ADRB3: variants seen among roughly 807,000 people sequenced by gnomAD.
ADRB3 encodes adrenoceptor beta 3, also known as beta-3 adrenergic receptor.
Under a neutral mutation model 23.8 loss-of-function variants are expected in ADRB3, and 33 were observed. That is an observed-to-expected ratio of 1.38 (90% CI 1.05 to 1.85). ADRB3 has a LOEUF of 1.85. Among genes scored for constraint, ADRB3 ranks in the 40% most tolerant of loss-of-function variants. The probability of loss-of-function intolerance (pLI) is 0.00; values close to 1 mark genes in which losing one functional copy is unlikely to be tolerated. For missense variants in ADRB3, 600 were observed against 579.6 expected (o/e 1.04, Z -0.36); for synonymous variants, 289 against 273.0 (o/e 1.06, Z -0.58).
At position 37,965,704 on chromosome 8, in the gene ADRB3, G is replaced by T. The variant is rs1236507402; in HGVS notation, c.766C>A (p.Arg256Ser). The change falls in exon 1 of 2, where the codon CGC (arginine) becomes AGC (serine). Residue 256 changes from arginine (R) to serine (S), a missense_variant. Coordinates refer to ENST00000345060, the MANE Select transcript of ADRB3 (RefSeq NM_000025.3). Reference sequence around the variant, plus strand: ...CCCACCGGGGCCGGGGCCAGAGAGCGCGACGGCGCCGGCGGAGACTCCTCG... The same window carrying T: ...CCCACCGGGGCCGGGGCCAGAGAGCTCGACGGCGCCGGCGGAGACTCCTCG... ...PPEESPPAPS[R>S]SLAPAPVGTC... 1.3e-6 allele frequency: 2 copies of T among 1,545,642 alleles called. No individual in the cohort carries two copies.
In ADRB3 at chr8:37,966,117, A is replaced by C. The variant is rs1396940844; in HGVS notation, c.353T>G (p.Val118Gly). 4 of 1,611,412 alleles carry C rather than the reference A, an allele frequency of 2.5e-6. No individual in the cohort carries two copies. The highest frequency in any genetic ancestry group is 3.4e-6 in the Non-Finnish European group (4 of 1,179,078). Residue 118 changes from valine (V) to glycine (G), a missense_variant, in exon 1 of 2, where the codon GTG (valine) becomes GGG (glycine). Physicochemically the swap from Val to Gly is moderately radical, Grantham distance 109 (BLOSUM62 -3). Coordinates refer to ENST00000345060, the MANE Select transcript of ADRB3 (RefSeq NM_000025.3). ...TTCGATGCTGGCGGTCACACACAGC[A>C]CGTCCACCGAGGTCCACAGCTCGCA... ...TGCELWTSVD[V>G]LCVTASIETL... is the part of the protein sequence containing the mutation.
Position 37,963,967 on chromosome 8 carries a change from A to C in ADRB3, c.*251T>G, listed in dbSNP as rs200512901. The C allele has an allele frequency of 2.1e-6, 1 of 465,840 alleles. No individual in the cohort carries two copies. The highest frequency in any genetic ancestry group is 3.9e-6 in the Non-Finnish European group (1 of 258,230). The allele number at this position is 465,840 out of a possible 1,614,324, so 28.9% of individuals were successfully genotyped here. ...CAAAGCCAGCCTGCTGCTCCACGGCACCTGGACACTACCACTGAGGGAGGA... is the reference window on the plus strand; with the variant it reads ...CAAAGCCAGCCTGCTGCTCCACGGCCCCTGGACACTACCACTGAGGGAGGA... On this transcript the variant is annotated 3_prime_UTR_variant, in exon 2 of 2. Transcript: ENST00000345060.
intron 1 of ADRB3, 62 bp from the exon 2 acceptor site, chr8:37,964,301 G>A: frequency 1.4e-6 from 2 of 1,424,098 alleles, no homozygotes; most frequent in Non-Finnish European, 9.9e-7. Flanking sequence ...GCACTGAGGG[G>A]AATGACAGAG....
intron 1 of ADRB3, chr8:37,964,969 C>T (rs1170144857): frequency 2.7e-6 from 1 of 369,318 alleles, no homozygotes; most frequent in East Asian, 4.4e-5. Context: ...TCCCTAAAGC[C>T]GACCAGGCGA....
At position 37,963,388 on chromosome 8, in the gene ADRB3, G is replaced by A. The variant is rs1193386036; in HGVS notation, c.*830C>T. 2 of 152,186 alleles carry A rather than the reference G, an allele frequency of 1.3e-5. No individual in the cohort carries two copies. The highest frequency in any genetic ancestry group is 2.4e-5 in the African/African-American group (1 of 41,446). The allele number at this position is 152,186 out of a possible 1,614,324, so 9.4% of individuals were successfully genotyped here. ...GGGGAGCAAGATATCAAAGGCTCAA[G>A]CTCACTCCCCTTCGTCCAGACAGAC... On this transcript the variant is annotated 3_prime_UTR_variant, in exon 2 of 2. Transcript: ENST00000345060.
At chr8:37,964,668 C>A (rs934331977) in intron 1 of ADRB3, among the ~76,000 whole-genome samples, 2 of 152,190 alleles carry the variant, frequency 1.3e-5, no homozygotes, top group Non-Finnish European at 2.9e-5. Context: ...GCCCTGGCTC[C>A]GGCCTGTAAT....
At chr8:37,965,078 A>C in intron 1 of ADRB3, 187 bp downstream of exon 1, 2 of 580,628 alleles carry the variant, frequency 3.4e-6, no homozygotes, top group South Asian at 5.7e-5. Context: ...CTTCTACCCT[A>C]GTGACTGGAT....
chr8:37,963,994 T>A lies in ADRB3; in HGVS notation c.*224A>T. 1 of 479,698 alleles carries A rather than the reference T, an allele frequency of 2.1e-6. No homozygotes were observed. Among genetic ancestry groups the A allele is most frequent in the Non-Finnish European group, 3.7e-6 (1 of 266,848 alleles). 29.7% of individuals were successfully genotyped at this position (479,698 alleles called of 1,614,324 possible). ...CTGGACACTACCACTGAGGGAGGAG[T>A]GAAGTTCAAGGCTGGGGTTTAGAAA... On this transcript the variant is annotated 3_prime_UTR_variant, in exon 2 of 2. Coordinates refer to ENST00000345060, the MANE Select transcript of ADRB3 (RefSeq NM_000025.3).
At position 37,965,903 on chromosome 8, in the gene ADRB3, G is replaced by C; in HGVS notation, c.567C>G (p.Cys189Trp). The C allele has an allele frequency of 6.4e-7, 1 of 1,552,024 alleles. No individual in the cohort carries two copies. Among genetic ancestry groups the C allele is most frequent in the Non-Finnish European group, 8.7e-7 (1 of 1,147,260 alleles). Reference protein sequence around the residue: ...RVGADAEAQRCHSNPRCCAFA... With the variant: ...RVGADAEAQRWHSNPRCCAFA... Reference sequence around the variant, plus strand: ...AGGCACAGCAGCGCGGGTTGGAGTGGCAGCGCTGCGCCTCGGCGTCGGCCC... The same window carrying C: ...AGGCACAGCAGCGCGGGTTGGAGTGCCAGCGCTGCGCCTCGGCGTCGGCCC... Residue 189 changes from cysteine to tryptophan, a missense_variant, in exon 1 of 2, where the codon TGC (cysteine) becomes TGG (tryptophan). Coordinates refer to ENST00000345060, the MANE Select transcript of ADRB3 (RefSeq NM_000025.3).
In ADRB3 at chr8:37,965,604, C is replaced by A; in HGVS notation, c.866G>T (p.Arg289Leu). The stretch of plus-strand genomic sequence containing the variant: ...GATGAGACCCAAGGTGCACAGGGCC[C>A]GGTGTTCCCGGAGAGGCAGGAGGCG... The part of the protein sequence containing the change: ...PARLLPLREH[R>L]ALCTLGLIMG... Residue 289 changes from arginine to leucine, a missense_variant, in exon 1 of 2, where the codon CGG (arginine) becomes CTG (leucine). By Grantham distance (102) the Arg-to-Leu change is moderately radical. Transcript: ENST00000345060. 3.9e-6 allele frequency: 6 copies of A among 1,545,192 alleles called. No individual in the cohort carries two copies. Among genetic ancestry groups the A allele is most frequent in the Non-Finnish European group, 3.5e-6 (4 of 1,145,076 alleles).
chr8:37,964,327 A>G, intron 1 of ADRB3, 88 bp from the exon 2 acceptor site: 1 of 1,227,850 alleles, frequency 8.1e-7, no homozygotes, highest in Non-Finnish European at 1.2e-6. Flanking sequence ...AGACCCTGGA[A>G]CGCATATTTA....
rs1437220314 is a variant in ADRB3 at position 37,965,702 on chromosome 8, G to C, written c.768C>G (p.Arg256=). The C allele has an allele frequency of 3.9e-6, 6 of 1,545,366 alleles. No homozygotes were observed. The African/African-American group carries it at 6.9e-5, about 18-fold the overall frequency. Residue 256 remains arginine, a synonymous_variant, in exon 1 of 2, where the codon CGC becomes CGG. Coordinates refer to ENST00000345060, the MANE Select transcript of ADRB3 (RefSeq NM_000025.3). ...TCCCCACCGGGGCCGGGGCCAGAGA[G>C]CGCGACGGCGCCGGCGGAGACTCCT... ...PPEESPPAPS[R]SLAPAPVGTC...
Position 37,965,347 on chromosome 8 carries a change from C to T in ADRB3, c.1123G>A (p.Ala375Thr), listed in dbSNP as rs143480096. ...RRLPPEPCAA[A>T]RPALFPSGVP... Reference sequence around the variant, plus strand: ...CCCGAGGGGAAGAGGGCCGGGCGGGCGGCGGCGCAGGGCTCCGGAGGCAGG... The same window carrying T: ...CCCGAGGGGAAGAGGGCCGGGCGGGTGGCGGCGCAGGGCTCCGGAGGCAGG... The change falls in exon 1 of 2, where the codon GCC (alanine) becomes ACC (threonine). Residue 375 changes from alanine to threonine, a missense_variant. Ala to Thr is a moderately conservative substitution (Grantham distance 58). Coordinates refer to ENST00000345060, the MANE Select transcript of ADRB3 (RefSeq NM_000025.3). 2.5e-4 allele frequency: 383 copies of T among 1,542,684 alleles called. 2 individuals are homozygous for T. The highest frequency in any genetic ancestry group is 7.7e-4 in the Middle Eastern group (4 of 5,202).
Position 37,964,067 on chromosome 8 carries a change from A to C in ADRB3, c.*151T>G. The C allele has an allele frequency of 1.6e-6, 1 of 639,880 alleles. No homozygotes were observed. The highest frequency in any genetic ancestry group is 2.0e-5 in the South Asian group (1 of 50,176). The allele number at this position is 639,880 out of a possible 1,614,324, so 39.6% of individuals were successfully genotyped here. A position where few individuals can be genotyped will look rare whatever the true frequency, so the allele number is the denominator to read the frequency against. On this transcript the variant is annotated 3_prime_UTR_variant, in exon 2 of 2. Coordinates refer to ENST00000345060, the MANE Select transcript of ADRB3 (RefSeq NM_000025.3). ...GAGGATGGTGAAAACCCACTTGGTA[A>C]GGATCCCTCCTTGGGTCACATGGCC...
chr8:37,965,407 C>A lies in ADRB3; in HGVS notation c.1063G>T (p.Ala355Ser). ...CAGCGGCACAGAAGACGGCGGAAGG[C>A]GCTGCGAAAGTCCGGGCTGCGGCAG... ...IYCRSPDFRS[A>S]FRRLLCRCGR... The change falls in exon 1 of 2, where the codon GCC becomes TCC. Residue 355 changes from alanine to serine, a missense_variant. Ala to Ser is a moderately conservative substitution (Grantham distance 99). Transcript: ENST00000345060. 2 of 1,548,940 alleles carry A rather than the reference C, an allele frequency of 1.3e-6. No homozygotes were observed. The highest frequency in any genetic ancestry group is 1.4e-5 in the African/African-American group (1 of 72,942).
Position 37,965,668 on chromosome 8 carries a change from G to A in ADRB3, c.802C>T (p.Pro268Ser), listed in dbSNP as rs1178155191. The change falls in exon 1 of 2, where the codon CCG becomes TCG. Residue 268 changes from proline to serine, a missense_variant. Transcript: ENST00000345060. The part of the protein sequence containing the change: ...LAPAPVGTCA[P>S]PEGVPACGRR... ...CCGCAGGCGGGCACCCCTTCGGGCG[G>A]AGCGCACGTCCCCACCGGGGCCGGG... is the stretch of plus-strand genomic sequence containing the variant. 2 of 1,536,916 alleles carry A rather than the reference G, an allele frequency of 1.3e-6. No homozygotes were observed. Among genetic ancestry groups the A allele is most frequent in the South Asian group, 2.4e-5 (2 of 82,814 alleles).
intron 1 of ADRB3, 37 bp from the exon 2 acceptor site, chr8:37,964,276 A>C (rs1808255398): frequency 1.3e-6 from 2 of 1,594,742 alleles, no homozygotes; most frequent in African/African-American, 2.7e-5. Flanking sequence ...CCCTGGGGTG[A>C]AAGGAGCAAC....
Position 37,965,919 on chromosome 8 carries a change from G to T in ADRB3, c.551C>A (p.Ala184Asp). ...MSQWWRVGAD[A>D]EAQRCHSNPR... ...GTTGGAGTGGCAGCGCTGCGCCTCG[G>T]CGTCGGCCCCTACGCGCCACCACTG... Residue 184 changes from alanine to aspartate, a missense_variant, in exon 1 of 2, where the codon GCC becomes GAC. Coordinates refer to ENST00000345060, the MANE Select transcript of ADRB3 (RefSeq NM_000025.3). The T allele has an allele frequency of 1.3e-6, 2 of 1,552,072 alleles. No homozygotes were observed. The highest frequency in any genetic ancestry group is 1.7e-6 in the Non-Finnish European group (2 of 1,147,292).
Position 37,965,839 on chromosome 8 carries a change from C to G in ADRB3, c.631G>C (p.Val211Leu), listed in dbSNP as rs1554540374. Reference protein sequence around the residue: ...NMPYVLLSSSVSFYLPLLVML... With the variant: ...NMPYVLLSSSLSFYLPLLVML... Reference sequence around the variant, plus strand: ...ACGAGAAGAGGAAGGTAGAAGGAGACGGAGGAGGACAGCAGCACGTAGGGC... The same window carrying G: ...ACGAGAAGAGGAAGGTAGAAGGAGAGGGAGGAGGACAGCAGCACGTAGGGC... Residue 211 changes from valine (V) to leucine (L), a missense_variant, in exon 1 of 2, where the codon GTC becomes CTC. By Grantham distance (32) the Val-to-Leu change is conservative. Coordinates refer to ENST00000345060, the MANE Select transcript of ADRB3 (RefSeq NM_000025.3). 6.4e-7 allele frequency: 1 copy of G among 1,553,466 alleles called. No individual in the cohort carries two copies. The highest frequency in any genetic ancestry group is 1.2e-5 in the South Asian group (1 of 84,144).
Sources: gnomAD v4.1 joint callset for allele counts (sites outside exome capture counted in the v4.1 genomes callset) on GRCh38, gnomAD v4.1.1 for gene constraint, MANE v1.5 for transcripts, NCBI Gene and HGNC (gene_info 2026-07-23, HGNC 2026-07-21) for gene names.